The following MANSC1 variants were observed in gnomAD, a reference collection of about 807,000 sequenced individuals.
The protein encoded by MANSC1 is MANSC domain containing 1, also known as MANSC domain-containing protein 1.
In MANSC1, 13 loss-of-function variants were observed where a neutral mutation model predicts 14.1. The observed-to-expected ratio is 0.92, with a 90% CI of 0.60 to 1.46. The LOEUF is 1.46. Ranked by LOEUF, MANSC1 falls within the 40% of genes most tolerant of loss-of-function variation. MANSC1 has a pLI of 0.00. For missense variants in MANSC1, 486 were observed against 511.4 expected, an observed-to-expected ratio of 0.95 and a Z score of 0.48; for synonymous variants, 227 against 200.7, an observed-to-expected ratio of 1.13 and a Z score of -1.11.
chr12:12,349,765 AC>A (rs1385408960), intron 1 of MANSC1, among the ~76,000 whole-genome samples: 3 of 152,216 alleles, frequency 2.0e-5, no homozygotes, highest in Non-Finnish European at 4.4e-5. Context: ...CGACAAGAAA[AC>A]AGGGAACATT....
At chr12:12,349,622 A>C (rs939477011) in intron 1 of MANSC1, among the ~76,000 whole-genome samples, 2 of 152,208 alleles carry the variant, frequency 1.3e-5, no homozygotes, top group African/African-American at 2.4e-5. Flanking sequence ...ACTTACTCGC[A>C]CGTAATTAGT....
intron 1 of MANSC1, among the ~76,000 whole-genome samples, chr12:12,346,592 A>C (rs1863012892): frequency 6.6e-6 from 1 of 152,238 alleles, no homozygotes; most frequent in Non-Finnish European, 1.5e-5. Flanking sequence ...TTGACAAAGG[A>C]GCAAAGGGGA....
chr12:12,337,080 G>C (rs539394445), intron 3 of MANSC1, among the ~76,000 whole-genome samples: 2 of 151,028 alleles, frequency 1.3e-5, no homozygotes, highest in South Asian at 4.2e-4. Context: ...GACCAGCCTG[G>C]CCCACATGGT....
intron 3 of MANSC1, among the ~76,000 whole-genome samples, chr12:12,332,710 G>A (rs981675561): frequency 6.6e-6 from 1 of 152,048 alleles, no homozygotes; most frequent in Admixed American, 6.6e-5. Context: ...TAGTAGAGGT[G>A]AGGTTTCACC....
At chr12:12,333,177 G>A (rs1005954183) in intron 3 of MANSC1, among the ~76,000 whole-genome samples, 3 of 152,024 alleles carry the variant, frequency 2.0e-5, no homozygotes, top group Non-Finnish European at 2.9e-5. Context: ...CTCTTGAGCA[G>A]CTGGGGCCAC....
In MANSC1 at chr12:12,344,575, T is replaced by C. The variant is rs573639034; in HGVS notation, c.-100-1161A>G. On this transcript the variant is annotated intron_variant, in intron 1 of 3. Coordinates refer to ENST00000535902, the MANE Select transcript of MANSC1 (RefSeq NM_018050.4). ...ACCTCCACCTCTTGGGTTCGAGTGA[T>C]TCCCCTGCCTCAGCCTTCCGAGTAG... Among the ~76,000 whole-genome samples, 427 of 151,692 alleles carry C rather than the reference T, an allele frequency of 2.8e-3. 2 individuals are homozygous for C. The highest frequency in any genetic ancestry group is 8.9e-3 in the African/African-American group (369 of 41,350).
intron 3 of MANSC1, 72 bp from the exon 4 acceptor site, chr12:12,331,030 A>C: frequency 1.0e-6 from 1 of 975,932 alleles, no homozygotes; most frequent in Non-Finnish European, 1.5e-6. Flanking sequence ...AAATACAAAC[A>C]TATCAGCTTG....
intron 3 of MANSC1, among the ~76,000 whole-genome samples, chr12:12,331,717 G>A (rs563969147): frequency 2.6e-5 from 4 of 152,286 alleles, no homozygotes; most frequent in African/African-American, 9.6e-5. Context: ...ACAGGGAGGA[G>A]GAGGAGGGGC....
chr12:12,343,231 A>G lies in MANSC1; in HGVS notation c.84T>C (p.Asn28=), dbSNP rs992936534. The G allele has an allele frequency of 2.9e-5, 47 of 1,614,170 alleles. No individual in the cohort carries two copies. Among genetic ancestry groups the G allele is most frequent in the Non-Finnish European group, 4.0e-5 (47 of 1,179,994 alleles). Residue 28 remains asparagine (N), a synonymous_variant, in exon 2 of 4, where the codon AAT becomes AAC. Coordinates refer to ENST00000535902, the MANE Select transcript of MANSC1 (RefSeq NM_018050.4). ...FLTLRLSASQ[N]CLKKSLEDVV... is the part of the protein sequence containing the mutation. ...CATCTTCTAGACTCTTTTTGAGGCAATTCTGACTAGCAGACAGCCTTAGTG... is the reference window on the plus strand; with the variant it reads ...CATCTTCTAGACTCTTTTTGAGGCAGTTCTGACTAGCAGACAGCCTTAGTG...
chr12:12,330,170 G>A lies in MANSC1; in HGVS notation c.1153C>T (p.Leu385Phe), dbSNP rs1862762998. ...CCAAAGAGCAGGGACCCGATAAGAA[G>A]CCATTTTTCAAATGGAAGGCCGTAC... ...NQYGLPFEKWLLIGSLLFGVL... is the reference protein window; with the variant it reads ...NQYGLPFEKWFLIGSLLFGVL... Residue 385 changes from leucine (L) to phenylalanine (F), a missense_variant, in exon 4 of 4, where the codon CTT becomes TTT. Leu to Phe is a conservative substitution (Grantham distance 22, BLOSUM62 0). Coordinates refer to ENST00000535902, the MANE Select transcript of MANSC1 (RefSeq NM_018050.4). 6.2e-7 allele frequency: 1 copy of A among 1,614,152 alleles called. No individual in the cohort carries two copies. The highest frequency in any genetic ancestry group is 2.2e-5 in the East Asian group (1 of 44,890).
At chr12:12,344,891 T>C (rs1256048575) in intron 1 of MANSC1, among the ~76,000 whole-genome samples, 2 of 126,758 alleles carry the variant, frequency 1.6e-5, no homozygotes, top group Non-Finnish European at 3.3e-5. Flanking sequence ...CTTGTGATCA[T>C]GTGAGTTAAT....
At chr12:12,342,050 C>T (rs1862941165) in intron 2 of MANSC1, among the ~76,000 whole-genome samples, 1 of 152,216 alleles carries the variant, frequency 6.6e-6, no homozygotes, top group Non-Finnish European at 1.5e-5. Context: ...ATCAAGTGAT[C>T]CTCCCACCTC....
intron 3 of MANSC1, among the ~76,000 whole-genome samples, chr12:12,337,546 G>A (rs1018520696): frequency 1.3e-5 from 2 of 152,198 alleles, no homozygotes; most frequent in African/African-American, 4.8e-5. Flanking sequence ...GGGCAACAGA[G>A]TGAGACTCCA....
chr12:12,341,915 C>T (rs1044177813), intron 2 of MANSC1, among the ~76,000 whole-genome samples: 21 of 152,226 alleles, frequency 1.4e-4, no homozygotes, highest in African/African-American at 5.1e-4. Context: ...TCACTTGAAC[C>T]TGGGAGGCAG....
Position 12,329,886 on chromosome 12 carries a change from CAAAA to C in MANSC1, c.*137_*140del. 1.6e-6 allele frequency: 1 copy of C among 622,078 alleles called. No individual in the cohort carries two copies. The highest frequency in any genetic ancestry group is 2.6e-6 in the Non-Finnish European group (1 of 384,316). 38.5% of individuals were successfully genotyped at this position (622,078 alleles called of 1,614,324 possible). On this transcript the variant is annotated 3_prime_UTR_variant, in exon 4 of 4. Coordinates refer to ENST00000535902, the MANE Select transcript of MANSC1 (RefSeq NM_018050.4). ...GGGCAACAAAGCAAGACTCTGTCTC[CAAAA>C]AAAAAAAAGGAAAGCAGAAGGGGGC...
At position 12,338,743 on chromosome 12, in the gene MANSC1, A is replaced by T. The variant is rs1013245506; in HGVS notation, c.224-183T>A. 8 of 625,658 alleles carry T rather than the reference A, an allele frequency of 1.3e-5. No homozygotes were observed. In the African/African-American group the frequency reaches 1.3e-4, roughly 10 times the overall value. 38.8% of individuals were successfully genotyped at this position (625,658 alleles called of 1,614,324 possible). ...CTTAGTTGCTTAAGGCAATTTTAAAAAACATTGGGTTTAGCTTTTTTTTTT... is the reference window on the plus strand; with the variant it reads ...CTTAGTTGCTTAAGGCAATTTTAAATAACATTGGGTTTAGCTTTTTTTTTT... On this transcript the variant is annotated intron_variant, in intron 2 of 3. Coordinates refer to ENST00000535902, the MANE Select transcript of MANSC1 (RefSeq NM_018050.4).
rs373927498 is a variant in MANSC1 at position 12,330,747 on chromosome 12, A to C, written c.576T>G (p.Ser192Arg). Residue 192 changes from serine to arginine, a missense_variant, in exon 4 of 4, where the codon AGT (serine) becomes AGG (arginine). Ser to Arg is a moderately radical substitution (Grantham distance 110). Transcript: ENST00000535902. ...LEKLFKMDEA[S>R]AQLLAYKEKG... Reference sequence around the variant, plus strand: ...TTTCCTTATAAGCAAGGAGCTGGGCACTTGCTTCATCCATCTTAAATAGTT... The same window carrying C: ...TTTCCTTATAAGCAAGGAGCTGGGCCCTTGCTTCATCCATCTTAAATAGTT... 96 of 1,613,834 alleles carry C rather than the reference A, an allele frequency of 5.9e-5. No homozygotes were observed. Among genetic ancestry groups the C allele is most frequent in the Non-Finnish European group, 7.4e-5 (87 of 1,179,804 alleles).
At chr12:12,347,124 A>G (rs1863019387) in intron 1 of MANSC1, among the ~76,000 whole-genome samples, 1 of 152,132 alleles carries the variant, frequency 6.6e-6, no homozygotes, top group Non-Finnish European at 1.5e-5. Flanking sequence ...CATTGTATTT[A>G]TTGTGCACTT....
intron 3 of MANSC1, among the ~76,000 whole-genome samples, chr12:12,336,371 G>T (rs1251254412): frequency 6.6e-6 from 1 of 152,156 alleles, no homozygotes; most frequent in Admixed American, 6.5e-5. Context: ...TCAGATCTCA[G>T]TTTAGGGGTT....
Sources: allele counts gnomAD v4.1 joint callset (sites outside exome capture counted in the v4.1 genomes callset), GRCh38; gene constraint gnomAD v4.1.1; transcripts MANE v1.5; gene names NCBI Gene and HGNC (gene_info 2026-07-23, HGNC 2026-07-21).